PPM1B: variants seen among roughly 807,000 people sequenced by gnomAD.
The protein encoded by PPM1B is protein phosphatase, Mg2+/Mn2+ dependent 1B.
A neutral mutation model predicts 43.0 loss-of-function variants in PPM1B; 22 were observed. The observed-to-expected ratio is 0.51, with a 90% CI of 0.37 to 0.73. The LOEUF is 0.73. PPM1B is among the 30% of genes least tolerant of loss of function. The pLI, the probability that PPM1B is intolerant of heterozygous loss-of-function variation, is 0.00. For missense variants in PPM1B, 632 were observed against 584.2 expected (o/e 1.08, Z -0.84); for synonymous variants, 217 against 197.9 (o/e 1.10, Z -0.81).
chr2:44,217,015 A>T (rs1669751855), intron 3 of PPM1B, among the ~76,000 whole-genome samples: 1 of 152,052 alleles, frequency 6.6e-6, no homozygotes, highest in African/African-American at 2.4e-5. Context: ...CTTTGAATGG[A>T]TCCTTTGGAG....
At chr2:44,236,874 GA>G (rs1361352968), downstream of PPM1B, among the ~76,000 whole-genome samples, 1 of 152,182 alleles carries the variant, frequency 6.6e-6, no homozygotes, top group East Asian at 1.9e-4. Context: ...AGTATTAAGG[GA>G]AAACGTGATA....
At chr2:44,232,174 A>G (rs1160848332), downstream of PPM1B, 4 of 1,283,942 alleles carry the variant, frequency 3.1e-6, no homozygotes, top group East Asian at 4.7e-5. Context: ...TATGCAATAC[A>G]CAACATCTCT....
chr2:44,191,415 C>T (rs1310880670), intron 1 of PPM1B, among the ~76,000 whole-genome samples: 2 of 152,100 alleles, frequency 1.3e-5, no homozygotes, highest in African/African-American at 4.8e-5. Flanking sequence ...GGGGTTTCAC[C>T]ATGTTGGCCA....
intron 5 of PPM1B, among the ~76,000 whole-genome samples, chr2:44,227,094 T>C (rs1670252944): frequency 6.6e-6 from 1 of 151,684 alleles, no homozygotes; most frequent in Non-Finnish European, 1.5e-5. Flanking sequence ...CCACCTTAGC[T>C]TCCCAAGTAG....
At chr2:44,209,366 C>A in intron 3 of PPM1B, 39 bp downstream of exon 3, 1 of 1,606,220 alleles carries the variant, frequency 6.2e-7, no homozygotes, top group Non-Finnish European at 8.5e-7. Context: ...ACAGGCCAGG[C>A]ACGGTAGCTC....
intron 2 of PPM1B, among the ~76,000 whole-genome samples, chr2:44,202,651 C>A (rs1044098100): frequency 1.3e-5 from 2 of 152,060 alleles, no homozygotes; most frequent in African/African-American, 2.4e-5. Flanking sequence ...AGATAAAATT[C>A]TTTTCATATA....
chr2:44,214,710 C>A (rs1325704087), intron 3 of PPM1B, among the ~76,000 whole-genome samples: 1 of 151,972 alleles, frequency 6.6e-6, no homozygotes, highest in African/African-American at 2.4e-5. Flanking sequence ...GGTCCTATAT[C>A]AAGTGTGTGG....
intron 3 of PPM1B, among the ~76,000 whole-genome samples, chr2:44,212,234 G>A (rs577309747): frequency 6.6e-6 from 1 of 152,086 alleles, no homozygotes; most frequent in Non-Finnish European, 1.5e-5. Flanking sequence ...CAGCTATACA[G>A]TACTACAGGA....
downstream of PPM1B, among the ~76,000 whole-genome samples, chr2:44,231,951 C>G (rs375260467): frequency 1.8e-4 from 28 of 152,220 alleles, no homozygotes; most frequent in East Asian, 1.3e-3. Context: ...TTCGTCTTTA[C>G]GTTTATATTT....
chr2:44,189,220 T>G (rs888998563), intron 1 of PPM1B, among the ~76,000 whole-genome samples: 2 of 152,130 alleles, frequency 1.3e-5, no homozygotes, highest in Admixed American at 1.3e-4. Flanking sequence ...CTGTTTATAC[T>G]TATCCTTAAA....
chr2:44,189,316 T>TGGTTCTCTA (rs1316167736), intron 1 of PPM1B, among the ~76,000 whole-genome samples: 1 of 152,234 alleles, frequency 6.6e-6, no homozygotes, highest in Non-Finnish European at 1.5e-5. Context: ...CTGGGGTCGA[T>TGGTTCTCTA]GGTTCTCTAT....
chr2:44,244,198 A>G (rs773481293), intron 5 of PPM1B: 3 of 1,143,468 alleles, frequency 2.6e-6, no homozygotes, highest in Admixed American at 3.5e-5. Context: ...ATATATATAT[A>G]TATATTTCAA....
At chr2:44,230,344 ATG>A (rs1316336679) in intron 5 of PPM1B, 67 bp from the exon 6 acceptor site, 1 of 1,561,946 alleles carries the variant, frequency 6.4e-7, no homozygotes, top group African/African-American at 1.4e-5. Context: ...TTTTGCTGTA[ATG>A]TGTTATGAAA....
intron 3 of PPM1B, among the ~76,000 whole-genome samples, chr2:44,212,860 G>GA (rs940814835): frequency 4.6e-5 from 7 of 151,796 alleles, no homozygotes; most frequent in Non-Finnish European, 1.0e-4. Context: ...AATACAAAAA[G>GA]AAATTAGCTG....
intron 3 of PPM1B, among the ~76,000 whole-genome samples, chr2:44,209,661 C>T (rs1393083220): frequency 6.6e-6 from 1 of 151,826 alleles, no homozygotes; most frequent in African/African-American, 2.4e-5. Flanking sequence ...CCTGTAGTCC[C>T]AGCTACTCGG....
downstream of PPM1B, among the ~76,000 whole-genome samples, chr2:44,239,206 G>A (rs1049251725): frequency 2.7e-4 from 40 of 147,582 alleles, no homozygotes; most frequent in African/African-American, 9.2e-4. Context: ...AAAAAAATCC[G>A]GTTGGATAAG....
chr2:44,228,483 C>CT (rs34379259), intron 5 of PPM1B, among the ~76,000 whole-genome samples: 44 of 152,210 alleles, frequency 2.9e-4, no homozygotes, highest in African/African-American at 1.0e-3. Flanking sequence ...ATGAGGGCAA[C>CT]TTTTTAAAAA....
rs764628563 is a variant in PPM1B at position 44,201,344 on chromosome 2, G to A, written c.145G>A (p.Gly49Ser). 2.5e-6 allele frequency: 4 copies of A among 1,614,108 alleles called. No individual in the cohort carries two copies. The highest frequency in any genetic ancestry group is 1.7e-5 in the Admixed American group (1 of 60,000). Residue 49 changes from glycine (G) to serine (S), a missense_variant, in exon 2 of 6, where the codon GGC becomes AGC. Gly to Ser is a moderately conservative substitution (Grantham distance 56). This residue lies in a region of PPM1B where 200 missense variants were observed against 200.7 expected (regional missense o/e 1.00). Transcript: ENST00000282412. This position sits in a 1 kb window ranked among gnomAD's most constrained non-coding sequence, Gnocchi z 5.4. ...CACAGCTGTTGTAGGTATTCCTCACGGCTTGGAAGACTGGTCATTTTTTGC... is the reference window on the plus strand; with the variant it reads ...CACAGCTGTTGTAGGTATTCCTCACAGCTTGGAAGACTGGTCATTTTTTGC... The part of the protein sequence containing the change: ...AHTAVVGIPH[G>S]LEDWSFFAVY...
downstream of PPM1B, among the ~76,000 whole-genome samples, chr2:44,245,099 G>A (rs780723651): frequency 4.0e-5 from 6 of 151,850 alleles, no homozygotes; most frequent in Non-Finnish European, 7.4e-5. Context: ...TTTTCTAGGC[G>A]CTTTCACACC....
Sources: gnomAD v4.1 joint callset for allele counts (sites outside exome capture counted in the v4.1 genomes callset) on GRCh38, gnomAD v4.1.1 for gene constraint, gnomAD v4.1.1 regional missense constraint, Gnocchi (gnomAD v3.1) non-coding constraint, MANE v1.5 for transcripts, NCBI Gene and HGNC (gene_info 2026-07-23, HGNC 2026-07-21) for gene names.